The following ACAA1 variants were observed in gnomAD, a reference collection of about 807,000 sequenced individuals.
The protein encoded by ACAA1 is acetyl-CoA acyltransferase 1.
Under a neutral mutation model 48.8 loss-of-function variants are expected in ACAA1, and 44 were observed. The ratio of observed to expected loss-of-function variants is 0.90; its 90% CI spans 0.71 to 1.16. The LOEUF is 1.16. ACAA1 is among the 50% of genes most tolerant of loss of function. ACAA1 has a pLI of 0.00. For synonymous variants in ACAA1, 233 were observed against 226.5 expected (o/e 1.03, Z -0.26); for missense variants, 512 against 562.3 (o/e 0.91, Z 0.90).
At chr3:38,130,830 G>A (rs1430842119) in intron 5 of ACAA1, among the ~76,000 whole-genome samples, 1 of 152,234 alleles carries the variant, frequency 6.6e-6, no homozygotes, top group Non-Finnish European at 1.5e-5. Context: ...CCCTGGGACA[G>A]GGGCCAGCAA....
In ACAA1 at chr3:38,122,806, A is replaced by C. The variant is rs1700560624; in HGVS notation, c.*241T>G. ...TAACCATGGCCTTGTGGCCTGGGTG[A>C]CCCAGGCTGCTTTTATCTTGCACAG... On this transcript the variant is annotated 3_prime_UTR_variant, in exon 12 of 12. Coordinates refer to ENST00000333167, the MANE Select transcript of ACAA1 (RefSeq NM_001607.4). 1 of 997,834 alleles carries C rather than the reference A, an allele frequency of 1.0e-6. No homozygotes were observed. The highest frequency in any genetic ancestry group is 3.0e-5 in the Admixed American group (1 of 33,176). The allele number at this position is 997,834 out of a possible 1,614,324, so 61.8% of individuals were successfully genotyped here. A position where few individuals can be genotyped will look rare whatever the true frequency, so the allele number is the denominator to read the frequency against.
At position 38,127,860 on chromosome 3, in the gene ACAA1, G is replaced by A. The variant is rs1700709821; in HGVS notation, c.552C>T (p.Thr184=). ...CAAACCGCTCAGCCACATTCTCAGA[G>A]GTTATCCTAGAACACAAACAGCAGA... ...ARDCLIPMGI[T]SENVAERFGI... The change falls in exon 7 of 12, where the codon ACC becomes ACT. Residue 184 remains threonine (T), a synonymous_variant. Transcript: ENST00000333167. The A allele has an allele frequency of 1.9e-6, 3 of 1,614,038 alleles. No individual in the cohort carries two copies. The Admixed American group carries it at 5.0e-5, about 27-fold the overall frequency.
At position 38,123,396 on chromosome 3, in the gene ACAA1, C is replaced by T. The variant is rs143201921; in HGVS notation, c.1200-274G>A. 165 of 408,468 alleles carry T rather than the reference C, an allele frequency of 4.0e-4. 1 individual carries two copies. In the East Asian group the frequency reaches 6.8e-3, roughly 17 times the overall value. 25.3% of individuals were successfully genotyped at this position (408,468 alleles called of 1,614,324 possible). A position where few individuals can be genotyped will look rare whatever the true frequency, so the allele number is the denominator to read the frequency against. ...TGTTTCTGTGTGCATGTTCCCCTCCCCAGGGATCGATCATAATCCCAAAAG... is the reference window on the plus strand; with the variant it reads ...TGTTTCTGTGTGCATGTTCCCCTCCTCAGGGATCGATCATAATCCCAAAAG... On this transcript the variant is annotated intron_variant, in intron 11 of 11. Transcript: ENST00000333167.
chr3:38,136,825 G>T, intron 1 of ACAA1, 40 bp downstream of exon 1: 1 of 1,490,182 alleles, frequency 6.7e-7, no homozygotes, highest in East Asian at 2.5e-5. Flanking sequence ...GCCCGCGCCG[G>T]CGTCTTCCCA....
chr3:38,129,935 G>A lies in ACAA1; in HGVS notation c.447-547C>T, dbSNP rs959132873. 1.3e-5 allele frequency among the ~76,000 whole-genome samples: 2 copies of A among 152,206 alleles called. No individual in the cohort carries two copies. Among genetic ancestry groups the A allele is most frequent in the Non-Finnish European group, 2.9e-5 (2 of 68,042 alleles). On this transcript the variant is annotated intron_variant, in intron 5 of 11. Transcript: ENST00000333167. This position sits in a 1 kb window ranked among gnomAD's most constrained non-coding sequence, Gnocchi z 5.3. ...GGCATGGTGGCAGGCGCCAGGGTGG[G>A]AGGCTGAGGCAGGAGAATGGCGTAA... is the stretch of plus-strand genomic sequence containing the variant.
intron 11 of ACAA1, chr3:38,124,433 C>T (rs1700629457): frequency 6.6e-6 from 1 of 152,232 alleles, no homozygotes; most frequent in Non-Finnish European, 1.5e-5. Context: ...TAGCAAAACC[C>T]TGTCTCTACA....
chr3:38,125,339 A>G (rs1331220147), intron 11 of ACAA1: 4 of 412,718 alleles, frequency 9.7e-6, no homozygotes, highest in Non-Finnish European at 1.7e-5. Context: ...AGAGTAGAAC[A>G]TGGAGTTTGA....
intron 5 of ACAA1, among the ~76,000 whole-genome samples, chr3:38,130,503 C>G (rs1700765415): frequency 1.3e-5 from 2 of 152,150 alleles, no homozygotes; most frequent in Admixed American, 1.3e-4. Context: ...ACTAGAGTGC[C>G]CTGTGTTAAA....
In ACAA1 at chr3:38,136,701, C is replaced by A; in HGVS notation, c.172-16G>T. 6.3e-7 allele frequency: 1 copy of A among 1,596,704 alleles called. No individual in the cohort carries two copies. The highest frequency in any genetic ancestry group is 8.5e-7 in the Non-Finnish European group (1 of 1,170,268). ...GGGTGGTGTCCTGCAGCAGAAAGAG[C>A]AGCCGCAGTGACCCCCACTCCCCCA... On this transcript the variant is annotated splice_polypyrimidine_tract_variant and intron_variant, in intron 1 of 11. Coordinates refer to ENST00000333167, the MANE Select transcript of ACAA1 (RefSeq NM_001607.4).
At chr3:38,136,301 C>G (rs1700891410) in intron 2 of ACAA1, among the ~76,000 whole-genome samples, 1 of 152,060 alleles carries the variant, frequency 6.6e-6, no homozygotes, top group Non-Finnish European at 1.5e-5. Flanking sequence ...CACTGCCGCA[C>G]TCCCCTTGCC....
chr3:38,132,992 C>G (rs145342413), intron 3 of ACAA1, among the ~76,000 whole-genome samples: 4 of 152,296 alleles, frequency 2.6e-5, no homozygotes, highest in Non-Finnish European at 5.9e-5. Flanking sequence ...AACCAACACA[C>G]AGAAAATGAA....
At position 38,126,140 on chromosome 3, in the gene ACAA1, C is replaced by G. The variant is rs780947245; in HGVS notation, c.997+22G>C. On this transcript the variant is annotated intron_variant, in intron 9 of 11. Transcript: ENST00000333167. This position sits in a 1 kb window ranked among gnomAD's most constrained non-coding sequence, Gnocchi z 4.7. ...GCAGGATCCAGGTGGGACCCAGATA[C>G]TATATGAAGGAGCCACCTTACCTGC... 1.9e-6 allele frequency: 3 copies of G among 1,609,088 alleles called. No homozygotes were observed. The highest frequency in any genetic ancestry group is 2.5e-6 in the Non-Finnish European group (3 of 1,177,270).
intron 5 of ACAA1, among the ~76,000 whole-genome samples, chr3:38,130,321 A>G (rs1700761859): frequency 6.6e-6 from 1 of 152,258 alleles, no homozygotes; most frequent in African/African-American, 2.4e-5. Flanking sequence ...AATACTCCAC[A>G]GTGTAAACTG....
intron 1 of ACAA1, 26 bp downstream of exon 1, chr3:38,136,839 T>G: frequency 6.7e-7 from 1 of 1,497,266 alleles, no homozygotes; most frequent in African/African-American, 1.4e-5. Flanking sequence ...CTTCCCACAC[T>G]CGGCGCCCAG....
chr3:38,133,247 G>T (rs1285073873), intron 3 of ACAA1, among the ~76,000 whole-genome samples: 13 of 152,128 alleles, frequency 8.5e-5, no homozygotes, highest in Non-Finnish European at 1.8e-4. Context: ...CCCACAGCCG[G>T]CTGAACGAAG....
At chr3:38,125,043 T>G (rs1312397936) in intron 11 of ACAA1, 1 of 152,266 alleles carries the variant, frequency 6.6e-6, no homozygotes. Context: ...CCATTCCTTG[T>G]CAACTTAGCA....
rs528682842 is a variant in ACAA1, at chr3:38,125,845, T to C, written c.1034A>G (p.Asn345Ser). The C allele has an allele frequency of 2.1e-5, 34 of 1,614,174 alleles. No individual in the cohort carries two copies. Among genetic ancestry groups the C allele is most frequent in the African/African-American group, 6.7e-5 (5 of 75,052 alleles). The change falls in exon 10 of 12, where the codon AAT (asparagine) becomes AGT (serine). Residue 345 changes from asparagine (N) to serine (S), a missense_variant. Transcript: ENST00000333167. ...TVSDVDIFEI[N>S]EAFASQAAYC... ...GCTCACCTGGCTTGCAAAGGCCTCA[T>C]TGATCTCGAAGATGTCCACGTCACT...
In ACAA1 at chr3:38,136,856, G is replaced by C. The variant is rs1485840003; in HGVS notation, c.171+9C>G. The C allele has an allele frequency of 1.1e-5, 17 of 1,521,832 alleles. No homozygotes were observed. The highest frequency in any genetic ancestry group is 1.5e-5 in the Non-Finnish European group (17 of 1,140,180). 94.3% of individuals were successfully genotyped at this position (1,521,832 alleles called of 1,614,324 possible). On this transcript the variant is annotated intron_variant, in intron 1 of 11. Transcript: ENST00000333167. ...TCCCACACTCGGCGCCCAGACCCTCGGGCCTCACCTTGAAGCCGCCGCGGC... is the reference window on the plus strand; with the variant it reads ...TCCCACACTCGGCGCCCAGACCCTCCGGCCTCACCTTGAAGCCGCCGCGGC...
chr3:38,131,611 A>C lies in ACAA1; in HGVS notation c.431T>G (p.Ile144Ser). ...AAATTCTTACCCACAGGCCATGCCAATGTCATAAGACCCATTTCTGATGCC... is the reference window on the plus strand; with the variant it reads ...AAATTCTTACCCACAGGCCATGCCACTGTCATAAGACCCATTTCTGATGCC... ...AGGIRNGSYD[I>S]GMACGVESMS... Residue 144 changes from isoleucine to serine, a missense_variant, in exon 5 of 12, where the codon ATT becomes AGT. Transcript: ENST00000333167. 1 of 1,614,234 alleles carries C rather than the reference A, an allele frequency of 6.2e-7. No homozygotes were observed. Among genetic ancestry groups the C allele is most frequent in the Non-Finnish European group, 8.5e-7 (1 of 1,180,042 alleles).
Sources: allele counts gnomAD v4.1 joint callset (sites outside exome capture counted in the v4.1 genomes callset), GRCh38; gene constraint gnomAD v4.1.1; non-coding constraint Gnocchi (gnomAD v3.1); transcripts MANE v1.5; gene names NCBI Gene and HGNC (gene_info 2026-07-23, HGNC 2026-07-21).